Variants in PCK1 observed in about 807,000 individuals in gnomAD.
The protein encoded by PCK1 is phosphoenolpyruvate carboxykinase 1.
Under a neutral mutation model 50.3 loss-of-function variants are expected in PCK1, and 44 were observed. The observed-to-expected ratio is 0.87, with a 90% CI of 0.69 to 1.12. The LOEUF (loss-of-function observed/expected upper bound fraction) is 1.12. Among genes scored for constraint, PCK1 ranks in the 50% most tolerant of loss-of-function variants. PCK1 has a pLI of 0.00. For synonymous variants in PCK1, 332 were observed against 314.3 expected (o/e 1.06, Z -0.59); for missense variants, 790 against 815.0 (o/e 0.97, Z 0.37).
rs2146528148 is a variant in PCK1 at position 57,563,084 on chromosome 20, C to T, written c.667C>T (p.Pro223Ser). The stretch of plus-strand genomic sequence containing the variant: ...GGAGCTGACGCTCATCGCCCACCTG[C>T]CTGACCGCAGAGAGATCATCTCCTT... ...NPELTLIAHLPDRREIISFGS... is the reference protein window; with the variant it reads ...NPELTLIAHLSDRREIISFGS... The change falls in exon 5 of 10, where the codon CCT becomes TCT. Residue 223 changes from proline to serine, a missense_variant. Pro to Ser is a moderately conservative substitution (Grantham distance 74, BLOSUM62 -1). Coordinates refer to ENST00000319441, the MANE Select transcript of PCK1 (RefSeq NM_002591.4). 1.2e-6 allele frequency: 2 copies of T among 1,614,138 alleles called. No homozygotes were observed. Among genetic ancestry groups the T allele is most frequent in the South Asian group, 2.2e-5 (2 of 91,086 alleles).
rs777624810 is a variant in PCK1, at chr20:57,563,685, T to C, written c.919T>C (p.Cys307Arg). 6.2e-7 allele frequency: 1 copy of C among 1,613,672 alleles called. No homozygotes were observed. Among genetic ancestry groups the C allele is most frequent in the Non-Finnish European group, 8.5e-7 (1 of 1,179,814 alleles). Reference protein sequence around the residue: ...NPSLPGWKVECVGDDIAWMKF... With the variant: ...NPSLPGWKVERVGDDIAWMKF... ...CAGCCTCCCCGGGTGGAAGGTTGAGTGCGTCGGGGATGACATTGCCTGGAT... is the reference window on the plus strand; with the variant it reads ...CAGCCTCCCCGGGTGGAAGGTTGAGCGCGTCGGGGATGACATTGCCTGGAT... The change falls in exon 6 of 10, where the codon TGC becomes CGC. Residue 307 changes from cysteine (C) to arginine (R), a missense_variant. Transcript: ENST00000319441.
intron 2 of PCK1, 179 bp from the exon 3 acceptor site, chr20:57,561,892 G>A (rs1330789564): frequency 1.6e-6 from 1 of 625,022 alleles, no homozygotes; most frequent in Non-Finnish European, 2.8e-6. Flanking sequence ...CTCTCCTACA[G>A]ACCAGGTCCT....
At chr20:57,565,293 C>T (rs367757788) in intron 9 of PCK1, 57 bp from the exon 10 acceptor site, 10 of 1,420,930 alleles carry the variant, frequency 7.0e-6, no homozygotes, top group South Asian at 4.7e-5. Context: ...CAATCAATGG[C>T]GTCAGTCTTG....
At position 57,565,468 on chromosome 20, in the gene PCK1, C is replaced by T. The variant is rs1381559427; in HGVS notation, c.1533C>T (p.Ile511=). ...ACCCAGCAGCCAAACTGCCCAAGAT[C>T]TTCCATGTCAACTGGTTCCGGAAGG... ...AQHPAAKLPK[I]FHVNWFRKDK... Residue 511 remains isoleucine, a synonymous_variant, in exon 10 of 10, where the codon ATC becomes ATT. Transcript: ENST00000319441. The T allele has an allele frequency of 6.2e-7, 1 of 1,614,232 alleles. No individual in the cohort carries two copies. The highest frequency in any genetic ancestry group is 1.1e-5 in the South Asian group (1 of 91,084).
chr20:57,563,571 G>T lies in PCK1; in HGVS notation c.805G>T (p.Gly269Cys). 3 of 1,604,134 alleles carry T rather than the reference G, an allele frequency of 1.9e-6. No individual in the cohort carries two copies. Among genetic ancestry groups the T allele is most frequent in the Non-Finnish European group, 2.6e-6 (3 of 1,173,152 alleles). The part of the protein sequence containing the change: ...GWLAEHMLIL[G>C]ITNPEGEKKY... The stretch of plus-strand genomic sequence containing the variant: ...AGAATCTTGTCCCCAACAGATTCTG[G>T]GTATAACCAACCCTGAGGGTGAGAA... Residue 269 changes from glycine (G) to cysteine (C), a missense_variant, in exon 6 of 10, where the codon GGT becomes TGT. Transcript: ENST00000319441.
At chr20:57,563,948 C>G (rs1430361941) in intron 6 of PCK1, 5 of 611,826 alleles carry the variant, frequency 8.2e-6, no homozygotes, top group Non-Finnish European at 1.4e-5. Flanking sequence ...TACATACATA[C>G]ATTTGTTTAA....
At chr20:57,562,009 A>T (rs2070148870) in intron 2 of PCK1, 62 bp from the exon 3 acceptor site, 13 of 1,404,178 alleles carry the variant, frequency 9.3e-6, no homozygotes, top group African/African-American at 2.8e-5. Context: ...AAGCCACGGT[A>T]CTGAAGGAGA....
intron 6 of PCK1, 21 bp from the exon 7 acceptor site, chr20:57,564,148 C>T: frequency 6.4e-7 from 1 of 1,558,922 alleles, no homozygotes; most frequent in Non-Finnish European, 8.8e-7. Flanking sequence ...ACTACTGCTT[C>T]TCTGGTTTAA....
At position 57,564,279 on chromosome 20, in the gene PCK1, A is replaced by G. The variant is rs545533074; in HGVS notation, c.1072A>G (p.Thr358Ala). The G allele has an allele frequency of 6.2e-7, 1 of 1,614,152 alleles. No homozygotes were observed. The highest frequency in any genetic ancestry group is 1.1e-5 in the South Asian group (1 of 91,086). ...IKTIQKNTIF[T>A]NVAETSDGGV... ...GACCATCCAGAAGAACACAATCTTT[A>G]CCAATGTGGCCGAGACCAGCGACGG... The change falls in exon 7 of 10, where the codon ACC becomes GCC. Residue 358 changes from threonine to alanine, a missense_variant. Thr to Ala is a moderately conservative substitution (Grantham distance 58). Transcript: ENST00000319441.
Position 57,564,486 on chromosome 20 carries a change from A to T in PCK1, c.1191A>T (p.Glu397Asp). 6.2e-7 allele frequency: 1 copy of T among 1,614,000 alleles called. No individual in the cohort carries two copies. Among genetic ancestry groups the T allele is most frequent in the Non-Finnish European group, 8.5e-7 (1 of 1,180,016 alleles). Residue 397 changes from glutamate (E) to aspartate (D), a missense_variant, in exon 8 of 10, where the codon GAA (glutamate) becomes GAT (aspartate). Coordinates refer to ENST00000319441, the MANE Select transcript of PCK1 (RefSeq NM_002591.4). ...GAGCCTTTCTCTGTCTTATAGGGGA[A>T]CCTTGTGCCCACCCCAACTCGAGGT... The part of the protein sequence containing the change: ...KNKEWSSEDG[E>D]PCAHPNSRFC...
Position 57,561,446 on chromosome 20 carries a change from C to G in PCK1, c.35C>G (p.Ser12Trp). 1 of 1,613,532 alleles carries G rather than the reference C, an allele frequency of 6.2e-7. No homozygotes were observed. The highest frequency in any genetic ancestry group is 8.5e-7 in the Non-Finnish European group (1 of 1,179,906). ...PPQLQNGLNL[S>W]AKVVQGSLDS... ...CAGCTGCAAAACGGCCTGAACCTCTCGGCCAAAGTTGTCCAGGGAAGCCTG... is the reference window on the plus strand; with the variant it reads ...CAGCTGCAAAACGGCCTGAACCTCTGGGCCAAAGTTGTCCAGGGAAGCCTG... Residue 12 changes from serine (S) to tryptophan (W), a missense_variant, in exon 2 of 10, where the codon TCG (serine) becomes TGG (tryptophan). Coordinates refer to ENST00000319441, the MANE Select transcript of PCK1 (RefSeq NM_002591.4).
At position 57,563,717 on chromosome 20, in the gene PCK1, T is replaced by C; in HGVS notation, c.951T>C (p.Phe317=). ...GGGATGACATTGCCTGGATGAAGTT[T>C]GACGCACAAGGTGACTCTTTTAGAC... ...CVGDDIAWMK[F]DAQGHLRAIN... Residue 317 remains phenylalanine (F), a synonymous_variant, in exon 6 of 10, where the codon TTT becomes TTC. Coordinates refer to ENST00000319441, the MANE Select transcript of PCK1 (RefSeq NM_002591.4). 6.2e-7 allele frequency: 1 copy of C among 1,610,156 alleles called. No individual in the cohort carries two copies. The highest frequency in any genetic ancestry group is 8.5e-7 in the Non-Finnish European group (1 of 1,178,332).
rs774970879 is a variant in PCK1 at position 57,562,262 on chromosome 20, A to G, written c.406+10A>G. ...CCAGGGTGCATGAAAGGTGAGCGGA[A>G]CATTGATTTGATTGGGTAAAACAGC... is the stretch of plus-strand genomic sequence containing the variant. On this transcript the variant is annotated intron_variant, in intron 3 of 9. Coordinates refer to ENST00000319441, the MANE Select transcript of PCK1 (RefSeq NM_002591.4). The G allele has an allele frequency of 6.2e-7, 1 of 1,610,916 alleles. No homozygotes were observed. Among genetic ancestry groups the G allele is most frequent in the East Asian group, 2.2e-5 (1 of 44,848 alleles).
rs577936206 is a variant in PCK1 at position 57,566,993 on chromosome 20, G to C, written c.*1189G>C. On this transcript the variant is annotated 3_prime_UTR_variant, in exon 10 of 10. Coordinates refer to ENST00000319441, the MANE Select transcript of PCK1 (RefSeq NM_002591.4). ...GGACATCATGCCAACACCATGGGCT[G>C]CCCGAGAAGAGAGGTGGGTGGTTTG... 6.6e-6 allele frequency: 1 copy of C among 152,232 alleles called. No individual in the cohort carries two copies. The highest frequency in any genetic ancestry group is 1.9e-4 in the East Asian group (1 of 5,194). The allele number at this position is 152,232 out of a possible 1,614,324, so 9.4% of individuals were successfully genotyped here. A position where few individuals can be genotyped will look rare whatever the true frequency, so the allele number is the denominator to read the frequency against.
rs1315698507 is a variant in PCK1 at position 57,563,705 on chromosome 20, C to G, written c.939C>G (p.Ala313=). 4 of 1,611,764 alleles carry G rather than the reference C, an allele frequency of 2.5e-6. No homozygotes were observed. The East Asian group carries it at 6.7e-5, about 27-fold the overall frequency. The change falls in exon 6 of 10, where the codon GCC becomes GCG. Residue 313 remains alanine (A), a synonymous_variant. Transcript: ENST00000319441. ...TTGAGTGCGTCGGGGATGACATTGC[C>G]TGGATGAAGTTTGACGCACAAGGTG... is the stretch of plus-strand genomic sequence containing the variant. ...WKVECVGDDI[A]WMKFDAQGHL...
rs140235265 is a variant in PCK1, at chr20:57,561,475, A to G, written c.64A>G (p.Ser22Gly). The G allele has an allele frequency of 4.9e-4, 791 of 1,613,876 alleles. 1 individual carries two copies. The highest frequency in any genetic ancestry group is 6.1e-4 in the Non-Finnish European group (719 of 1,179,904). Residue 22 changes from serine (S) to glycine (G), a missense_variant, in exon 2 of 10, where the codon AGC (serine) becomes GGC (glycine). Coordinates refer to ENST00000319441, the MANE Select transcript of PCK1 (RefSeq NM_002591.4). ...CAAAGTTGTCCAGGGAAGCCTGGAC[A>G]GCCTACCCCAGGCAGTGAGGGAGTT... ...SAKVVQGSLD[S>G]LPQAVREFLE...
In PCK1 at chr20:57,565,120, GC is replaced by G. The variant is rs761363485; in HGVS notation, c.1400del (p.Ala467ValfsTer89). The G allele has an allele frequency of 1.9e-6, 3 of 1,613,666 alleles. No individual in the cohort carries two copies. In the South Asian group the frequency reaches 3.3e-5, roughly 18 times the overall value. ...GAAMRSEATA[A>X]AEHKGKIIMH... Reference sequence around the variant, plus strand: ...GGCCATGAGATCAGAGGCCACAGCGGCTGCAGAACATAAAGGTAAATCAAAG... The same window carrying G: ...GGCCATGAGATCAGAGGCCACAGCGGTGCAGAACATAAAGGTAAATCAAAG... On this transcript the variant is annotated frameshift_variant, in exon 9 of 10. Coordinates refer to ENST00000319441, the MANE Select transcript of PCK1 (RefSeq NM_002591.4). LOFTEE classifies it high-confidence loss of function.
rs1348451524 is a variant in PCK1, at chr20:57,565,103, G to A, written c.1382G>A (p.Arg461Lys). ...QHGVFVGAAM[R>K]SEATAAAEHK... ...GGAGTCTTTGTGGGGGCGGCCATGA[G>A]ATCAGAGGCCACAGCGGCTGCAGAA... Residue 461 changes from arginine to lysine, a missense_variant, in exon 9 of 10, where the codon AGA becomes AAA. Coordinates refer to ENST00000319441, the MANE Select transcript of PCK1 (RefSeq NM_002591.4). The A allele has an allele frequency of 1.2e-6, 2 of 1,614,022 alleles. No homozygotes were observed. The highest frequency in any genetic ancestry group is 3.3e-5 in the Admixed American group (2 of 60,016).
At position 57,563,676 on chromosome 20, in the gene PCK1, A is replaced by G. The variant is rs767446111; in HGVS notation, c.910A>G (p.Lys304Glu). The stretch of plus-strand genomic sequence containing the variant: ...GATGAACCCCAGCCTCCCCGGGTGG[A>G]AGGTTGAGTGCGTCGGGGATGACAT... ...AMMNPSLPGW[K>E]VECVGDDIAW... The change falls in exon 6 of 10, where the codon AAG becomes GAG. Residue 304 changes from lysine (K) to glutamate (E), a missense_variant. Physicochemically the swap from Lys to Glu is moderately conservative, Grantham distance 56. Coordinates refer to ENST00000319441, the MANE Select transcript of PCK1 (RefSeq NM_002591.4). 1.9e-6 allele frequency: 3 copies of G among 1,613,752 alleles called. No individual in the cohort carries two copies. The highest frequency in any genetic ancestry group is 2.5e-6 in the Non-Finnish European group (3 of 1,179,786).
Sources: allele counts gnomAD v4.1 joint callset, GRCh38; gene constraint gnomAD v4.1.1; transcripts MANE v1.5; gene names NCBI Gene and HGNC (gene_info 2026-07-23, HGNC 2026-07-21).